The following PCDHGA2 variants were observed in gnomAD, a reference collection of about 807,000 sequenced individuals.
PCDHGA2 encodes protocadherin gamma subfamily A, 2.
Under a neutral mutation model 59.2 loss-of-function variants are expected in PCDHGA2, and 40 were observed. The observed-to-expected ratio is 0.68, with a 90% CI of 0.52 to 0.88. The LOEUF is 0.88. Among genes scored for constraint, PCDHGA2 ranks in the 40% least tolerant of loss-of-function variants. The pLI is 0.00. For synonymous variants in PCDHGA2, 560 were observed against 526.0 expected, an observed-to-expected ratio of 1.06 and a Z score of -0.89; for missense variants, 1,226 against 1,204.0, an observed-to-expected ratio of 1.02 and a Z score of -0.27.
chr5:141,350,698 G>C (rs1417939450), intron 1 of PCDHGA2: 1 of 1,613,916 alleles, frequency 6.2e-7, no homozygotes, highest in East Asian at 2.2e-5. Context: ...CCTTACCCGG[G>C]GTAAAATTCT....
intron 1 of PCDHGA2, chr5:141,344,783 T>A: frequency 1.2e-6 from 2 of 1,613,894 alleles, no homozygotes; most frequent in Non-Finnish European, 1.7e-6. Flanking sequence ...ACCGTGTGAG[T>A]GTTTGGGAGA....
intron 1 of PCDHGA2, chr5:141,391,782 T>C (rs2092421963): frequency 6.6e-6 from 1 of 152,222 alleles, no homozygotes; most frequent in African/African-American, 2.4e-5. Flanking sequence ...GTCATTACTT[T>C]TTGCAGTTTT....
chr5:141,421,634 A>G (rs771759412), intron 1 of PCDHGA2: 12 of 1,613,714 alleles, frequency 7.4e-6, no homozygotes, highest in South Asian at 1.1e-5. Context: ...AGCTTCCAGG[A>G]GGACGAAGTG....
chr5:141,371,500 T>C, intron 1 of PCDHGA2: 5 of 1,613,872 alleles, frequency 3.1e-6, no homozygotes, highest in South Asian at 1.1e-5. Context: ...GTTGCCCTGA[T>C]CAAAACACAT....
chr5:141,369,254 T>A (rs1743165923), intron 1 of PCDHGA2, among the ~76,000 whole-genome samples: 1 of 152,160 alleles, frequency 6.6e-6, no homozygotes, highest in Admixed American at 6.5e-5. Flanking sequence ...TTAAATAATA[T>A]AATTATAAGG....
At chr5:141,440,841 A>G (rs1361003883) in intron 1 of PCDHGA2, 5 of 152,114 alleles carry the variant, frequency 3.3e-5, no homozygotes, top group Admixed American at 1.3e-4. Flanking sequence ...GTTGAAGCCA[A>G]TGACAACCCT....
At chr5:141,457,098 T>G (rs1179930043) in intron 1 of PCDHGA2, among the ~76,000 whole-genome samples, 1 of 152,242 alleles carries the variant, frequency 6.6e-6, no homozygotes, top group Non-Finnish European at 1.5e-5. Flanking sequence ...AGGATACTAA[T>G]TAAGCAAAAT....
At position 141,361,977 on chromosome 5, in the gene PCDHGA2, C is replaced by T. The variant is rs531760752; in HGVS notation, c.2424+20582C>T. 296 of 1,601,658 alleles carry T rather than the reference C, an allele frequency of 1.8e-4. No individual in the cohort carries two copies. The Admixed American group carries it at 4.9e-3, about 27-fold the overall frequency. Reference sequence around the variant, plus strand: ...ACCACGTGCTGCAGGCCAGCGAGCCCGGGCTCTTCAGCCTGGGGTTGCGCA... The same window carrying T: ...ACCACGTGCTGCAGGCCAGCGAGCCTGGGCTCTTCAGCCTGGGGTTGCGCA... On this transcript the variant is annotated intron_variant, in intron 1 of 3. Transcript: ENST00000394576.
chr5:141,363,768 C>T (rs944933090), intron 1 of PCDHGA2, among the ~76,000 whole-genome samples: 2 of 152,094 alleles, frequency 1.3e-5, no homozygotes, highest in African/African-American at 2.4e-5. Flanking sequence ...CAAATAAGCA[C>T]GTTTTCCTAA....
Position 141,338,793 on chromosome 5 carries a change from G to T in PCDHGA2, c.-179G>T, listed in dbSNP as rs1756778781. On this transcript the variant is annotated 5_prime_UTR_variant, in exon 1 of 4. Transcript: ENST00000394576. ...AATACGGCTCCCACAGCACAAGGGG[G>T]TGGAGGTTTGGCCCTAAAGCTTCAG... 7.4e-7 allele frequency: 1 copy of T among 1,355,120 alleles called. No individual in the cohort carries two copies. Among genetic ancestry groups the T allele is most frequent in the Non-Finnish European group, 9.4e-7 (1 of 1,059,238 alleles). The allele number at this position is 1,355,120 out of a possible 1,614,324, so 83.9% of individuals were successfully genotyped here.
chr5:141,386,848 A>G (rs1458200403), intron 1 of PCDHGA2, among the ~76,000 whole-genome samples: 1 of 152,186 alleles, frequency 6.6e-6, no homozygotes, highest in East Asian at 1.9e-4. Flanking sequence ...TAATCACTAA[A>G]CTCAGTGAGC....
chr5:141,361,947 G>A (rs1762247949), intron 1 of PCDHGA2: 7 of 1,604,064 alleles, frequency 4.4e-6, no homozygotes, highest in Non-Finnish European at 5.9e-6. Context: ...ACGCTTGGCT[G>A]TCCTACCACG....
intron 1 of PCDHGA2, chr5:141,392,883 TGGGAAATC>T (rs1224904365): frequency 3.1e-6 from 5 of 1,613,518 alleles, no homozygotes; most frequent in Non-Finnish European, 4.2e-6. Flanking sequence ...GGGAACGCTG[TGGGAAATC>T]GGGAGGGGAC....
intron 1 of PCDHGA2, chr5:141,423,684 T>G (rs201506477): frequency 6.6e-7 from 1 of 1,524,756 alleles, no homozygotes; most frequent in Non-Finnish European, 8.8e-7. Context: ...CTCTGCCTCC[T>G]AATTGTTGGT....
At chr5:141,356,600 G>A in intron 1 of PCDHGA2, 2 of 1,614,098 alleles carry the variant, frequency 1.2e-6, no homozygotes, top group Non-Finnish European at 8.5e-7. Flanking sequence ...AACAACCCCA[G>A]AGGAGCCTCC....
chr5:141,395,445 T>C (rs1257175969), intron 1 of PCDHGA2: 1 of 655,916 alleles, frequency 1.5e-6, no homozygotes, highest in East Asian at 2.9e-5. Context: ...TTGGAAAAGA[T>C]TGTTCAACCA....
At chr5:141,417,302 G>A (rs1267397415) in intron 1 of PCDHGA2, 1 of 152,270 alleles carries the variant, frequency 6.6e-6, no homozygotes, top group Non-Finnish European at 1.5e-5. Context: ...GCCTCTGGAT[G>A]GAGGAATTGG....
chr5:141,433,110 G>C (rs1031253372), intron 1 of PCDHGA2: 1 of 1,614,098 alleles, frequency 6.2e-7, no homozygotes, highest in Middle Eastern at 1.7e-4. Context: ...AGCCAGGAGA[G>C]CTTTGAAAAA....
Position 141,360,020 on chromosome 5 carries a change from G to T in PCDHGA2, c.2424+18625G>T. The T allele has an allele frequency of 4.6e-6, 6 of 1,294,416 alleles. No individual in the cohort carries two copies. The South Asian group carries it at 9.7e-5, about 21-fold the overall frequency. 80.2% of individuals were successfully genotyped at this position (1,294,416 alleles called of 1,614,324 possible). On this transcript the variant is annotated intron_variant, in intron 1 of 3. Transcript: ENST00000394576. ...TGCACAAACCAACCACACAGAGAAGGCCAGTATAGATTCGGAAACAGAAAA... is the reference window on the plus strand; with the variant it reads ...TGCACAAACCAACCACACAGAGAAGTCCAGTATAGATTCGGAAACAGAAAA...
Sources: allele counts gnomAD v4.1 joint callset (sites outside exome capture counted in the v4.1 genomes callset), GRCh38; gene constraint gnomAD v4.1.1; transcripts MANE v1.5; gene names NCBI Gene and HGNC (gene_info 2026-07-23, HGNC 2026-07-21).